The following ENOPH1 variants were observed in gnomAD, a reference collection of about 807,000 sequenced individuals.
ENOPH1 encodes enolase-phosphatase 1.
In ENOPH1, 14 loss-of-function variants were observed where a neutral mutation model predicts 31.1. The ratio of observed to expected loss-of-function variants is 0.45; its 90% confidence interval spans 0.30 to 0.70. The LOEUF (loss-of-function observed/expected upper bound fraction) is 0.70. Ranked by LOEUF, ENOPH1 falls within the 30% of genes least tolerant of loss-of-function variation. The pLI is 0.09. For synonymous variants in ENOPH1, 127 were observed against 123.2 expected (o/e 1.03, Z -0.21); for missense variants, 243 against 321.5 (o/e 0.76, Z 1.87).
In ENOPH1 at chr4:82,451,183, A is replaced by G; in HGVS notation, c.327A>G (p.Ala109=). The G allele has an allele frequency of 6.2e-7, 1 of 1,614,206 alleles. No individual in the cohort carries two copies. The highest frequency in any genetic ancestry group is 1.1e-5 in the South Asian group (1 of 91,092). The change falls in exon 3 of 6, where the codon GCA becomes GCG. Residue 109 remains alanine, a synonymous_variant. Transcript: ENST00000273920. ...WQMSLDRKTT[A]LKQLQGHMWR... ...TGTCCCTGGATCGAAAGACCACTGCACTCAAACAGCTGCAGGGCCACATGT... is the reference window on the plus strand; with the variant it reads ...TGTCCCTGGATCGAAAGACCACTGCGCTCAAACAGCTGCAGGGCCACATGT...
chr4:82,456,983 A>G lies in ENOPH1; in HGVS notation c.591A>G (p.Ala197=). The change falls in exon 5 of 6, where the codon GCA becomes GCG. Residue 197 remains alanine, a synonymous_variant. Transcript: ENST00000273920. ...AGAGTGAAAGTTACCGAAAGATTGC[A>G]GACAGCATTGGGTGCTCAACCAACA... The part of the protein sequence containing the change: ...KVESESYRKI[A]DSIGCSTNNI... 1 of 1,614,148 alleles carries G rather than the reference A, an allele frequency of 6.2e-7. No individual in the cohort carries two copies. Among genetic ancestry groups the G allele is most frequent in the Non-Finnish European group, 8.5e-7 (1 of 1,180,012 alleles).
Position 82,454,279 on chromosome 4 carries a change from T to C in ENOPH1, c.390-443T>C, listed in dbSNP as rs142925716. ...TAGCTTTGAGCCTTCAAACTTTGTTTTGATTATTTTGGGTGCAGATCTTTC... is the reference window on the plus strand; with the variant it reads ...TAGCTTTGAGCCTTCAAACTTTGTTCTGATTATTTTGGGTGCAGATCTTTC... On this transcript the variant is annotated intron_variant, in intron 3 of 5. Transcript: ENST00000273920. Among the ~76,000 whole-genome samples the C allele has an allele frequency of 2.6e-5, 4 of 152,338 alleles. No homozygotes were observed. The East Asian group carries it at 7.7e-4, about 29-fold the overall frequency.
Position 82,451,182 on chromosome 4 carries a change from C to G in ENOPH1, c.326C>G (p.Ala109Gly). The G allele has an allele frequency of 6.2e-7, 1 of 1,614,236 alleles. No individual in the cohort carries two copies. The highest frequency in any genetic ancestry group is 1.1e-5 in the South Asian group (1 of 91,090). Reference sequence around the variant, plus strand: ...ATGTCCCTGGATCGAAAGACCACTGCACTCAAACAGCTGCAGGGCCACATG... The same window carrying G: ...ATGTCCCTGGATCGAAAGACCACTGGACTCAAACAGCTGCAGGGCCACATG... Reference protein sequence around the residue: ...WQMSLDRKTTALKQLQGHMWR... With the variant: ...WQMSLDRKTTGLKQLQGHMWR... Residue 109 changes from alanine to glycine, a missense_variant, in exon 3 of 6, where the codon GCA becomes GGA. Ala to Gly is a moderately conservative substitution (Grantham distance 60, BLOSUM62 0). Transcript: ENST00000273920.
intron 1 of ENOPH1, among the ~76,000 whole-genome samples, chr4:82,433,158 T>C (rs1721820506): frequency 6.6e-6 from 1 of 152,174 alleles, no homozygotes; most frequent in South Asian, 2.1e-4. Flanking sequence ...GATGTGGCAT[T>C]AGATCATTAG....
chr4:82,438,736 AT>A, intron 1 of ENOPH1, among the ~76,000 whole-genome samples: 1 of 152,246 alleles, frequency 6.6e-6, no homozygotes, highest in Middle Eastern at 3.4e-3. Context: ...CATAGGCTGG[AT>A]TTTATCTTGC....
chr4:82,457,246 C>G (rs1412327609), intron 5 of ENOPH1, among the ~76,000 whole-genome samples: 2 of 151,518 alleles, frequency 1.3e-5, no homozygotes, highest in Non-Finnish European at 2.9e-5. Context: ...CTTGGTGGCT[C>G]ATGCCTGTAA....
chr4:82,453,113 G>A (rs576301286), intron 3 of ENOPH1, among the ~76,000 whole-genome samples: 1 of 151,900 alleles, frequency 6.6e-6, no homozygotes. Flanking sequence ...GTGTTAGCCA[G>A]GATGCTCTCG....
intron 1 of ENOPH1, among the ~76,000 whole-genome samples, chr4:82,432,630 C>T (rs908372296): frequency 5.0e-5 from 7 of 141,364 alleles, no homozygotes; most frequent in African/African-American, 1.5e-4. Context: ...CCATGGCACC[C>T]GGCCTCTTCC....
chr4:82,453,178 A>G lies in ENOPH1; in HGVS notation c.390-1544A>G, dbSNP rs371318666. Among the ~76,000 whole-genome samples the G allele has an allele frequency of 6.6e-4, 101 of 152,332 alleles. 1 individual carries two copies. The East Asian group carries it at 0.012, about 18-fold the overall frequency. ...TGGCCTCCCAAAGTGCTGGGATTAC[A>G]GGTGTGAGCCACTGCACCTGGGTGT... On this transcript the variant is annotated intron_variant, in intron 3 of 5. Coordinates refer to ENST00000273920, the MANE Select transcript of ENOPH1 (RefSeq NM_021204.5).
chr4:82,455,645 A>G (rs1026361042), intron 4 of ENOPH1, among the ~76,000 whole-genome samples: 7 of 151,858 alleles, frequency 4.6e-5, no homozygotes, highest in South Asian at 2.1e-4. Context: ...AATTAGCCGG[A>G]CGTGGTGGCG....
chr4:82,437,298 G>T (rs1262929926), intron 1 of ENOPH1, among the ~76,000 whole-genome samples: 1 of 152,116 alleles, frequency 6.6e-6, no homozygotes, highest in Non-Finnish European at 1.5e-5. Flanking sequence ...GTTCCTCAGG[G>T]AACCTAGAAA....
chr4:82,450,383 C>T (rs970027537), intron 2 of ENOPH1, among the ~76,000 whole-genome samples: 4 of 152,204 alleles, frequency 2.6e-5, no homozygotes, highest in African/African-American at 9.7e-5. Flanking sequence ...TTTCCAAGAA[C>T]CTTTCAATGA....
chr4:82,433,538 T>C (rs1348843710), intron 1 of ENOPH1, among the ~76,000 whole-genome samples: 1 of 152,234 alleles, frequency 6.6e-6, no homozygotes, highest in Non-Finnish European at 1.5e-5. Context: ...ATTATTATAA[T>C]TTGTTAGACA....
intron 2 of ENOPH1, among the ~76,000 whole-genome samples, chr4:82,449,212 C>T (rs112639973): frequency 0.056 from 8,573 of 152,212 alleles, 280 homozygotes; most frequent in Non-Finnish European, 0.073. Context: ...TGCACTCTAG[C>T]CTGGGCTACA....
chr4:82,458,491 CAG>C (rs1170724629), intron 5 of ENOPH1, among the ~76,000 whole-genome samples: 1 of 152,230 alleles, frequency 6.6e-6, no homozygotes, highest in East Asian at 1.9e-4. Context: ...GCCTGAGCGA[CAG>C]AGAGAGACCC....
intron 5 of ENOPH1, 136 bp downstream of exon 5, chr4:82,457,174 A>T (rs1293322551): frequency 1.2e-6 from 1 of 861,036 alleles, no homozygotes; most frequent in Admixed American, 3.3e-5. Flanking sequence ...TATATAAAGA[A>T]ACAGTGTCTG....
intron 4 of ENOPH1, among the ~76,000 whole-genome samples, chr4:82,455,127 G>A (rs909342646): frequency 2.0e-5 from 3 of 152,148 alleles, no homozygotes; most frequent in African/African-American, 4.8e-5. Context: ...AAGACTTTTT[G>A]AATACAGCAG....
intron 1 of ENOPH1, among the ~76,000 whole-genome samples, chr4:82,446,343 G>A (rs988896839): frequency 2.0e-5 from 3 of 151,840 alleles, no homozygotes; most frequent in East Asian, 1.9e-4. Context: ...TCTTGAACTC[G>A]GGAGGCGGAG....
At position 82,451,092 on chromosome 4, in the gene ENOPH1, C is replaced by G. The variant is rs1308686175; in HGVS notation, c.236C>G (p.Ser79Cys). Reference sequence around the variant, plus strand: ...GGGGCTGTTCCTATCCCTGCAGCATCTGGGAATGGAGTGGATGATCTGCAA... The same window carrying G: ...GGGGCTGTTCCTATCCCTGCAGCATGTGGGAATGGAGTGGATGATCTGCAA... ...LDGAVPIPAA[S>C]GNGVDDLQQM... The change falls in exon 3 of 6, where the codon TCT (serine) becomes TGT (cysteine). Residue 79 changes from serine to cysteine, a missense_variant. Transcript: ENST00000273920. The G allele has an allele frequency of 1.9e-6, 3 of 1,614,084 alleles. No individual in the cohort carries two copies. The highest frequency in any genetic ancestry group is 2.5e-6 in the Non-Finnish European group (3 of 1,180,046).
Sources: allele counts gnomAD v4.1 joint callset (sites outside exome capture counted in the v4.1 genomes callset), GRCh38; gene constraint gnomAD v4.1.1; transcripts MANE v1.5; gene names NCBI Gene and HGNC (gene_info 2026-07-23, HGNC 2026-07-21).